The following JMJD1C variants were observed in gnomAD, a reference collection of about 807,000 sequenced individuals.
JMJD1C encodes jumonji domain-containing protein 1C.
Under a neutral mutation model 245.3 loss-of-function variants are expected in JMJD1C, and 31 were observed. The ratio of observed to expected loss-of-function variants is 0.13; its 90% CI spans 0.09 to 0.17. JMJD1C has a LOEUF of 0.17. JMJD1C is among the 10% of genes least tolerant of loss of function. The pLI is 1.00. For synonymous variants in JMJD1C, 1,057 were observed against 1,017.4 expected (o/e 1.04, Z -0.74); for missense variants, 2,691 against 3,000.2 (o/e 0.90, Z 2.41).
upstream of JMJD1C, chr10:63,465,996 G>T (rs753661505): frequency 6.9e-6 from 2 of 288,116 alleles, no homozygotes; most frequent in South Asian, 1.0e-4. Context: ...TCCCTCCCCG[G>T]GCAGCGGCGG....
chr10:63,285,334 A>C (rs891943781), intron 2 of JMJD1C, among the ~76,000 whole-genome samples: 16 of 152,216 alleles, frequency 1.1e-4, no homozygotes, highest in African/African-American at 3.9e-4. Context: ...CGGAAAAGAT[A>C]CAGGGCTAAA....
intron 2 of JMJD1C, among the ~76,000 whole-genome samples, chr10:63,379,357 T>C (rs2393970): frequency 0.99 from 150,058 of 152,290 alleles, 73,963 homozygotes; most frequent in Middle Eastern, 1. Context: ...GCTAGATGTT[T>C]TGCCAGAAAA....
chr10:63,340,284 G>C (rs1943249012), intron 2 of JMJD1C, among the ~76,000 whole-genome samples: 2 of 152,144 alleles, frequency 1.3e-5, no homozygotes, highest in African/African-American at 4.8e-5. Flanking sequence ...TATCTTTTCT[G>C]AATACGCCCA....
chr10:63,175,042 T>C (rs1345152857), intron 24 of JMJD1C, among the ~76,000 whole-genome samples: 1 of 152,194 alleles, frequency 6.6e-6, no homozygotes, highest in South Asian at 2.1e-4. Flanking sequence ...GTTAACTTTA[T>C]AAAAACTGAC....
In JMJD1C at chr10:63,382,106, G is replaced by C. The variant is rs574568003; in HGVS notation, c.169-1624C>G. Among the ~76,000 whole-genome samples the C allele has an allele frequency of 2.0e-5, 3 of 152,298 alleles. No individual in the cohort carries two copies. In the South Asian group the frequency reaches 6.2e-4, roughly 32 times the overall value. On this transcript the variant is annotated intron_variant, in intron 1 of 25. Coordinates refer to ENST00000399262, the MANE Select transcript of JMJD1C (RefSeq NM_032776.3). ...GGTGCCTGTAGTCCCAGCTACTCAGGAAGCTGAGGCAGGAGAATGGCTTGA... is the reference window on the plus strand; with the variant it reads ...GGTGCCTGTAGTCCCAGCTACTCAGCAAGCTGAGGCAGGAGAATGGCTTGA...
chr10:63,367,958 C>T (rs559634902), intron 2 of JMJD1C, among the ~76,000 whole-genome samples: 2 of 152,284 alleles, frequency 1.3e-5, no homozygotes, highest in South Asian at 4.1e-4. Context: ...AATGTTTCCC[C>T]TACTTAAACA....
At chr10:63,460,811 G>A (rs1168473711) in intron 1 of JMJD1C, among the ~76,000 whole-genome samples, 1 of 152,058 alleles carries the variant, frequency 6.6e-6, no homozygotes, top group African/African-American at 2.4e-5. Flanking sequence ...ACTTTCACAT[G>A]CAATAATATC....
chr10:63,510,126 C>A (rs1164747718), intron 1 of JMJD1C, among the ~76,000 whole-genome samples: 1 of 151,974 alleles, frequency 6.6e-6, no homozygotes, highest in Admixed American at 6.6e-5. Context: ...CCTCGGCACC[C>A]CCAAGTAGCT....
intron 1 of JMJD1C, among the ~76,000 whole-genome samples, chr10:63,521,119 GT>G (rs11364013): frequency 1 from 152,286 of 152,288 alleles, 76,142 homozygotes; most frequent in Middle Eastern, 1. Context: ...CTCGCCGCGA[GT>G]GTGGGCGTCC....
chr10:63,291,767 C>T (rs980749070), intron 2 of JMJD1C, among the ~76,000 whole-genome samples: 4 of 152,124 alleles, frequency 2.6e-5, no homozygotes, highest in African/African-American at 9.7e-5. Flanking sequence ...TGCCACTGTG[C>T]CCAGCTGGAA....
At chr10:63,460,075 A>T (rs569411834) in intron 1 of JMJD1C, among the ~76,000 whole-genome samples, 1 of 152,320 alleles carries the variant, frequency 6.6e-6, no homozygotes, top group South Asian at 2.1e-4. Context: ...GCCTGTACCA[A>T]TCAATGGAGT....
At chr10:63,295,692 T>C (rs1452498039) in intron 2 of JMJD1C, among the ~76,000 whole-genome samples, 1 of 152,058 alleles carries the variant, frequency 6.6e-6, no homozygotes, top group Non-Finnish European at 1.5e-5. Context: ...ATCTGGTAGG[T>C]ACAATTGATT....
chr10:63,167,856 T>G lies in JMJD1C; in HGVS notation c.*189A>C. ...GCTGCTTTTAAAATTCTGCTTGTTTTATAACATTGAATCACAGGAGCTGTG... is the reference window on the plus strand; with the variant it reads ...GCTGCTTTTAAAATTCTGCTTGTTTGATAACATTGAATCACAGGAGCTGTG... On this transcript the variant is annotated 3_prime_UTR_variant, in exon 26 of 26. Transcript: ENST00000399262. 1 of 505,118 alleles carries G rather than the reference T, an allele frequency of 2.0e-6. No homozygotes were observed. The allele number at this position is 505,118 out of a possible 1,614,324, so 31.3% of individuals were successfully genotyped here.
At chr10:63,373,300 T>TA (rs1946457055) in intron 2 of JMJD1C, among the ~76,000 whole-genome samples, 1 of 152,224 alleles carries the variant, frequency 6.6e-6, no homozygotes, top group African/African-American at 2.4e-5. Context: ...AATGTTTTGC[T>TA]ACTGATATCC....
At chr10:63,250,693 C>G (rs975293010) in intron 3 of JMJD1C, among the ~76,000 whole-genome samples, 2 of 152,128 alleles carry the variant, frequency 1.3e-5, no homozygotes, top group East Asian at 1.9e-4. Context: ...ATGAGAGAAA[C>G]AGTTAGAAAC....
chr10:63,415,120 CTTTGTGTAAA>C (rs1564895884), intron 1 of JMJD1C, among the ~76,000 whole-genome samples: 1 of 152,102 alleles, frequency 6.6e-6, no homozygotes, highest in Non-Finnish European at 1.5e-5. Context: ...AACAGTATGA[CTTTGTGTAAA>C]CATATAGTTA....
intron 2 of JMJD1C, among the ~76,000 whole-genome samples, chr10:63,304,972 A>T (rs1408675843): frequency 1.3e-5 from 2 of 152,110 alleles, no homozygotes; most frequent in Non-Finnish European, 2.9e-5. Flanking sequence ...ATCTCTACCA[A>T]AAAAGTATTT....
chr10:63,406,878 A>T (rs1201059572), intron 1 of JMJD1C, among the ~76,000 whole-genome samples: 1 of 152,168 alleles, frequency 6.6e-6, no homozygotes. Flanking sequence ...TGAATGTAGG[A>T]CTCAAAGAAT....
rs532785682 is a variant in JMJD1C, at chr10:63,320,460, T to C, written c.334-55696A>G. Among the ~76,000 whole-genome samples the C allele has an allele frequency of 2.0e-4, 30 of 152,286 alleles. No homozygotes were observed. In the South Asian group the frequency reaches 6.0e-3, roughly 30 times the overall value. On this transcript the variant is annotated intron_variant, in intron 2 of 25. Transcript: ENST00000399262. ...ACATTTAAGCAATGTATATAGACGATGTCAGCCCACAATCACTGTCAGCCC... is the reference window on the plus strand; with the variant it reads ...ACATTTAAGCAATGTATATAGACGACGTCAGCCCACAATCACTGTCAGCCC...
Sources: allele counts gnomAD v4.1 joint callset (sites outside exome capture counted in the v4.1 genomes callset), GRCh38; gene constraint gnomAD v4.1.1; transcripts MANE v1.5; gene names NCBI Gene and HGNC (gene_info 2026-07-23, HGNC 2026-07-21).